DZIP3: variants seen among roughly 807,000 people sequenced by gnomAD.
DZIP3 encodes E3 ubiquitin-protein ligase DZIP3.
Under a neutral mutation model 162.0 loss-of-function variants are expected in DZIP3, and 118 were observed. The ratio of observed to expected loss-of-function variants is 0.73; its 90% CI spans 0.63 to 0.85. The LOEUF (loss-of-function observed/expected upper bound fraction) is 0.85. Ranked by LOEUF, DZIP3 falls within the 40% of genes least tolerant of loss-of-function variation. The probability of loss-of-function intolerance (pLI) is 0.00; values close to 1 mark genes in which losing one functional copy is unlikely to be tolerated. For missense variants in DZIP3, 1,331 were observed against 1,407.0 expected (o/e 0.95, Z 0.86); for synonymous variants, 438 against 458.6 (o/e 0.96, Z 0.57).
intron 1 of DZIP3, among the ~76,000 whole-genome samples, chr3:108,597,384 A>C (rs1035313723): frequency 2.6e-5 from 4 of 152,110 alleles, no homozygotes; most frequent in African/African-American, 9.7e-5. Context: ...ATCCCAGAAT[A>C]AGAATGTTGC....
At chr3:108,617,188 A>G (rs977277757) in intron 5 of DZIP3, among the ~76,000 whole-genome samples, 4 of 152,224 alleles carry the variant, frequency 2.6e-5, no homozygotes, top group South Asian at 2.1e-4. Flanking sequence ...CAAGAGATCT[A>G]TTGTACAACA....
Position 108,675,767 on chromosome 3 carries a change from G to T in DZIP3, c.2694-19G>T. The stretch of plus-strand genomic sequence containing the variant: ...ATAAAAAGAAAGAGTTTTCTTTTGT[G>T]TCTCCTTTTCTACAACAGCAACCTA... On this transcript the variant is annotated intron_variant, in intron 24 of 32. Coordinates refer to ENST00000361582, the MANE Select transcript of DZIP3 (RefSeq NM_014648.4). 1 of 1,584,350 alleles carries T rather than the reference G, an allele frequency of 6.3e-7. No individual in the cohort carries two copies. Among genetic ancestry groups the T allele is most frequent in the Non-Finnish European group, 8.6e-7 (1 of 1,169,430 alleles).
intron 10 of DZIP3, among the ~76,000 whole-genome samples, chr3:108,635,529 TAGTTATAATTATATA>T (rs1382618139): frequency 1.1e-4 from 16 of 147,622 alleles, no homozygotes; most frequent in Non-Finnish European, 2.1e-4. Flanking sequence ...TTATATATAA[TAGTTATAATTATATA>T]AGTTATAATT....
At chr3:108,609,539 T>A in intron 3 of DZIP3, among the ~76,000 whole-genome samples, 1 of 152,170 alleles carries the variant, frequency 6.6e-6, no homozygotes, top group East Asian at 1.9e-4. Flanking sequence ...GACAACTAAC[T>A]TAAATTAAAA....
chr3:108,612,230 T>G (rs577352760), intron 4 of DZIP3, among the ~76,000 whole-genome samples: 1 of 152,278 alleles, frequency 6.6e-6, no homozygotes, highest in Non-Finnish European at 1.5e-5. Flanking sequence ...CATAGTTGTC[T>G]TGAGAAGGCT....
At chr3:108,611,447 T>G in intron 4 of DZIP3, 118 bp downstream of exon 4, 1 of 1,254,806 alleles carries the variant, frequency 8.0e-7, no homozygotes, top group Non-Finnish European at 1.1e-6. Flanking sequence ...ATCTCCATCT[T>G]ACTTCTTGTA....
Position 108,675,802 on chromosome 3 carries a change from C to G in DZIP3, c.2710C>G (p.Gln904Glu), listed in dbSNP as rs1463414988. The G allele has an allele frequency of 6.2e-7, 1 of 1,606,440 alleles. No individual in the cohort carries two copies. The highest frequency in any genetic ancestry group is 2.2e-5 in the East Asian group (1 of 44,626). The change falls in exon 25 of 33, where the codon CAA becomes GAA. Residue 904 changes from glutamine to glutamate, a missense_variant. Gln to Glu is a conservative substitution (Grantham distance 29, BLOSUM62 2). Around this residue, in one of 2 missense-constraint regions of DZIP3, gnomAD observed 1,278 missense variants for 1,317.1 expected, o/e 0.97. Coordinates refer to ENST00000361582, the MANE Select transcript of DZIP3 (RefSeq NM_014648.4). Reference protein sequence around the residue: ...HMAASNLESLQLKAAVDSWNA... With the variant: ...HMAASNLESLELKAAVDSWNA... ...CTACAACAGCAACCTAGAATCACTT[C>G]AATTAAAGGCTGCGGTAGACAGTTG...
At chr3:108,621,559 T>C (rs1439074052) in intron 5 of DZIP3, among the ~76,000 whole-genome samples, 1 of 152,234 alleles carries the variant, frequency 6.6e-6, no homozygotes, top group Non-Finnish European at 1.5e-5. Flanking sequence ...TGTCTCACAC[T>C]ATTGCCCACT....
At chr3:108,619,990 A>G (rs1941240713) in intron 5 of DZIP3, among the ~76,000 whole-genome samples, 2 of 152,036 alleles carry the variant, frequency 1.3e-5, no homozygotes, top group Admixed American at 1.3e-4. Context: ...GAGATTTGCT[A>G]GAAGGACTGG....
chr3:108,676,020 A>G lies in DZIP3; in HGVS notation c.2781+147A>G, dbSNP rs183194876. On this transcript the variant is annotated intron_variant, in intron 25 of 32. Coordinates refer to ENST00000361582, the MANE Select transcript of DZIP3 (RefSeq NM_014648.4). ...ATGCCTTCACTTTGAGATTACTTCCATGTGGTTGGTTGTAGATAACATCCT... is the reference window on the plus strand; with the variant it reads ...ATGCCTTCACTTTGAGATTACTTCCGTGTGGTTGGTTGTAGATAACATCCT... 2.0e-5 allele frequency: 13 copies of G among 661,470 alleles called. No individual in the cohort carries two copies. In the East Asian group the frequency reaches 3.9e-4, roughly 20 times the overall value. The allele number at this position is 661,470 out of a possible 1,614,324, so 41.0% of individuals were successfully genotyped here.
chr3:108,658,403 C>T (rs1227570807), intron 19 of DZIP3, among the ~76,000 whole-genome samples: 9 of 151,836 alleles, frequency 5.9e-5, no homozygotes, highest in African/African-American at 9.7e-5. Context: ...GGGTACATAA[C>T]GAAATGAAGG....
chr3:108,666,342 A>G, intron 21 of DZIP3, among the ~76,000 whole-genome samples: 1 of 152,200 alleles, frequency 6.6e-6, no homozygotes, highest in East Asian at 1.9e-4. Context: ...GAAAGGATCA[A>G]TCCACAAGAA....
rs765365868 is a variant in DZIP3 at position 108,674,080 on chromosome 3, G to T, written c.2592G>T (p.Val864=). The stretch of plus-strand genomic sequence containing the variant: ...CTCTTTCTCTCAAAAACCTGTAGGT[G>T]TATTTCTTACAGTGTCGTAGGGATT... ...AETSRALTAE[V]YFLQCRRDFG... The change falls in exon 24 of 33, where the codon GTG becomes GTT. Residue 864 remains valine (V), a splice_region_variant and synonymous_variant. Coordinates refer to ENST00000361582, the MANE Select transcript of DZIP3 (RefSeq NM_014648.4). The T allele has an allele frequency of 6.2e-7, 1 of 1,610,078 alleles. No individual in the cohort carries two copies. Among genetic ancestry groups the T allele is most frequent in the Non-Finnish European group, 8.5e-7 (1 of 1,177,550 alleles).
intron 3 of DZIP3, 40 bp downstream of exon 3, chr3:108,608,198 G>GGTA: frequency 1.6e-6 from 2 of 1,273,712 alleles, no homozygotes; most frequent in Non-Finnish European, 2.2e-6. Context: ...TTAGTTAATT[G>GGTA]ATAATTAATT....
At chr3:108,603,352 C>T (rs547506347) in intron 1 of DZIP3, 7 of 152,194 alleles carry the variant, frequency 4.6e-5, no homozygotes, top group East Asian at 1.9e-4. Context: ...TTTTTCTATA[C>T]AGCTTTATTA....
intron 21 of DZIP3, among the ~76,000 whole-genome samples, chr3:108,665,058 C>T (rs1465050393): frequency 6.6e-6 from 1 of 152,062 alleles, no homozygotes; most frequent in Non-Finnish European, 1.5e-5. Flanking sequence ...TCATAATATT[C>T]AAAATATCTA....
chr3:108,686,481 G>A lies in DZIP3; in HGVS notation c.3046G>A (p.Gly1016Arg). 6.2e-7 allele frequency: 1 copy of A among 1,611,026 alleles called. No homozygotes were observed. The highest frequency in any genetic ancestry group is 2.2e-5 in the East Asian group (1 of 44,706). The change falls in exon 28 of 33, where the codon GGA becomes AGA. Residue 1016 changes from glycine to arginine, a missense_variant. Around this residue, in one of 2 missense-constraint regions of DZIP3, gnomAD observed 1,278 missense variants for 1,317.1 expected, o/e 0.97. Coordinates refer to ENST00000361582, the MANE Select transcript of DZIP3 (RefSeq NM_014648.4). Reference protein sequence around the residue: ...GIAWALPAPVGDAVPPSAGLR... With the variant: ...GIAWALPAPVRDAVPPSAGLR... ...AGCCTGGGCTCTGCCAGCGCCTGTGGGAGACGCTGTGCCTCCCAGTGCAGG... is the reference window on the plus strand; with the variant it reads ...AGCCTGGGCTCTGCCAGCGCCTGTGAGAGACGCTGTGCCTCCCAGTGCAGG...
chr3:108,690,211 C>T (rs947238023), intron 31 of DZIP3, among the ~76,000 whole-genome samples: 2 of 152,094 alleles, frequency 1.3e-5, no homozygotes, highest in Admixed American at 6.5e-5. Flanking sequence ...ATTATTAATC[C>T]TCTCTCATCT....
intron 7 of DZIP3, among the ~76,000 whole-genome samples, chr3:108,628,174 G>A (rs1941674313): frequency 6.6e-6 from 1 of 152,158 alleles, no homozygotes; most frequent in Non-Finnish European, 1.5e-5. Context: ...ACCGCACCCA[G>A]CCAGTAGGGG....
Sources: gnomAD v4.1 joint callset for allele counts (sites outside exome capture counted in the v4.1 genomes callset) on GRCh38, gnomAD v4.1.1 for gene constraint, gnomAD v4.1.1 regional missense constraint, MANE v1.5 for transcripts, NCBI Gene and HGNC (gene_info 2026-07-23, HGNC 2026-07-21) for gene names.